CUX1: variants seen among roughly 807,000 people sequenced by gnomAD.
CUX1 encodes the protein cut like homeobox 1, also known as protein CASP.
Under a neutral mutation model 158.8 loss-of-function variants are expected in CUX1, and 31 were observed. The ratio of observed to expected loss-of-function variants is 0.20; its 90% CI spans 0.15 to 0.26. The LOEUF (loss-of-function observed/expected upper bound fraction) is 0.26. CUX1 is among the 10% of genes least tolerant of loss of function. CUX1 has a pLI of 1.00. For synonymous variants in CUX1, 879 were observed against 862.1 expected (o/e 1.02, Z -0.34); for missense variants, 1,589 against 2,014.6 (o/e 0.79, Z 4.04).
chr7:101,848,830 A>C (rs1325856166), intron 1 of CUX1, among the ~76,000 whole-genome samples: 1 of 151,884 alleles, frequency 6.6e-6, no homozygotes, highest in Non-Finnish European at 1.5e-5. Context: ...TGGGCAACAT[A>C]GCAAGACCCC....
intron 3 of CUX1, among the ~76,000 whole-genome samples, chr7:102,047,709 GTATT>G (rs1822993924): frequency 6.6e-6 from 1 of 152,168 alleles, no homozygotes; most frequent in African/African-American, 2.4e-5. Context: ...CAGTCATACA[GTATT>G]TATTTGACTA....
At chr7:102,093,597 G>A (rs1828878007) in intron 4 of CUX1, among the ~76,000 whole-genome samples, 1 of 152,100 alleles carries the variant, frequency 6.6e-6, no homozygotes, top group Non-Finnish European at 1.5e-5. Flanking sequence ...ATTGCAGAGC[G>A]GGCTCCGCCA....
At chr7:101,840,903 T>A (rs937877667) in intron 1 of CUX1, among the ~76,000 whole-genome samples, 2 of 102,138 alleles carry the variant, frequency 2.0e-5, no homozygotes, top group African/African-American at 4.1e-5. Context: ...ATTATTATTA[T>A]TTTTTTTTGA....
rs781797718 is a variant in CUX1, at chr7:102,200,063, C to A, written c.1961-8C>A. 1.2e-6 allele frequency: 2 copies of A among 1,600,948 alleles called. No homozygotes were observed. ...GTTTGATGTCATTGGCGCAACTTCT[C>A]CCCACAGGTAACATCACCACCCGGA... is the stretch of plus-strand genomic sequence containing the variant. On this transcript the variant is annotated splice_polypyrimidine_tract_variant and splice_region_variant and intron_variant, in intron 16 of 23. Coordinates refer to ENST00000292535, the MANE Select transcript of CUX1 (RefSeq NM_181552.4).
chr7:101,883,140 G>A (rs567244644), intron 1 of CUX1, among the ~76,000 whole-genome samples: 5 of 152,196 alleles, frequency 3.3e-5, no homozygotes, highest in Admixed American at 2.0e-4. Context: ...TGCTCATTTC[G>A]TCATCTTCCT....
intron 23 of CUX1, among the ~76,000 whole-genome samples, chr7:102,243,380 G>C (rs1003262415): frequency 2.0e-5 from 3 of 152,226 alleles, no homozygotes; most frequent in South Asian, 2.1e-4. Flanking sequence ...TCAAATATGG[G>C]ATCCAAGAGA....
chr7:102,188,026 T>A (rs1267442641), intron 11 of CUX1, among the ~76,000 whole-genome samples: 4 of 151,786 alleles, frequency 2.6e-5, no homozygotes, highest in Non-Finnish European at 5.9e-5. Flanking sequence ...CTGGGCAACA[T>A]AGCAAGACCC....
At position 102,248,251 on chromosome 7, in the gene CUX1, GA is replaced by G. The variant is rs1554537637; in HGVS notation, c.3888-160del. 6.6e-6 allele frequency among the ~76,000 whole-genome samples: 1 copy of G among 152,212 alleles called. No homozygotes were observed. Among genetic ancestry groups the G allele is most frequent in the Non-Finnish European group, 1.5e-5 (1 of 68,038 alleles). On this transcript the variant is annotated intron_variant, in intron 23 of 23. Transcript: ENST00000292535. The surrounding 1 kb of genome is among the most constrained non-coding windows in gnomAD (Gnocchi z 5.8). Reference sequence around the variant, plus strand: ...CGGAGGGGTGGGTGGTGACTCTGGAGAGGGGCTGCCCCGTGGCCCGAGGGTC... The same window carrying G: ...CGGAGGGGTGGGTGGTGACTCTGGAGGGGGCTGCCCCGTGGCCCGAGGGTC...
intron 2 of CUX1, among the ~76,000 whole-genome samples, chr7:102,008,749 A>G (rs1006888955): frequency 8.5e-5 from 13 of 152,154 alleles, no homozygotes; most frequent in South Asian, 2.1e-4. Flanking sequence ...ACATTGAGCA[A>G]TTGTCAAACT....
intron 6 of CUX1, among the ~76,000 whole-genome samples, chr7:102,108,385 A>C (rs938531692): frequency 2.0e-5 from 3 of 152,138 alleles, no homozygotes; most frequent in Non-Finnish European, 4.4e-5. Flanking sequence ...TTGCTCTGTC[A>C]CCCAGGCTGG....
chr7:101,848,759 G>T (rs1371523890), intron 1 of CUX1, among the ~76,000 whole-genome samples: 2 of 151,672 alleles, frequency 1.3e-5, no homozygotes, highest in Non-Finnish European at 2.9e-5. Flanking sequence ...TGCCTGTAGT[G>T]CAAGCACTTA....
At chr7:102,277,127 C>T (rs2132823789) in intron 17 of CUX1, among the ~76,000 whole-genome samples, 1 of 151,584 alleles carries the variant, frequency 6.6e-6, no homozygotes, top group South Asian at 2.1e-4. Flanking sequence ...CAGTGAGACC[C>T]CGACTCTGCA....
In CUX1 at chr7:101,868,794, C is replaced by T. The variant is rs552210650; in HGVS notation, c.31-47321C>T. Among the ~76,000 whole-genome samples the T allele has an allele frequency of 3.8e-4, 58 of 152,234 alleles. 1 individual carries two copies. The South Asian group carries it at 0.012, about 31-fold the overall frequency. ...GGCTCCCAGGAGGGGAACCCTCTGA[C>T]GTGGGAGTTAAAGGACTGGGGCCAT... On this transcript the variant is annotated intron_variant, in intron 1 of 23. Transcript: ENST00000292535.
At chr7:102,131,519 A>T (rs1833232272) in intron 8 of CUX1, among the ~76,000 whole-genome samples, 1 of 151,970 alleles carries the variant, frequency 6.6e-6, no homozygotes, top group East Asian at 1.9e-4. Context: ...GTTTGAACAT[A>T]AAAACTGCTC....
Position 102,028,115 on chromosome 7 carries a change from A to G in CUX1, c.159A>G (p.Val53=). The change falls in exon 3 of 24, where the codon GTA becomes GTG. Residue 53 remains valine, a synonymous_variant. Transcript: ENST00000292535. The part of the protein sequence containing the change: ...KNTPEDLRKQ[V]APLLKSFQGE... ...TGCTCCAGGATTTGCGCAAGCAGGT[A>G]GCGCCGCTGCTGAAGAGTTTCCAAG... 1 of 1,612,226 alleles carries G rather than the reference A, an allele frequency of 6.2e-7. No individual in the cohort carries two copies. Among genetic ancestry groups the G allele is most frequent in the African/African-American group, 1.3e-5 (1 of 74,970 alleles).
chr7:101,873,876 C>G (rs1014919928), intron 1 of CUX1, among the ~76,000 whole-genome samples: 5 of 152,220 alleles, frequency 3.3e-5, no homozygotes, highest in Non-Finnish European at 7.3e-5. Flanking sequence ...TGAGCTACCG[C>G]GTCCTGCCAG....
chr7:102,239,886 ACAGGCATG>A (rs1358902415), intron 23 of CUX1, among the ~76,000 whole-genome samples: 1 of 152,134 alleles, frequency 6.6e-6, no homozygotes, highest in Non-Finnish European at 1.5e-5. Context: ...AGCTGGGATT[ACAGGCATG>A]CACCACCAAG....
Position 102,109,799 on chromosome 7 carries a change from A to C in CUX1, c.531-1899A>C, listed in dbSNP as rs187364512. ...CCCTGTCTCCAAAAAAAAAAAAAGA[A>C]AAAAGAAAAAATTGCAGATACTCTT... On this transcript the variant is annotated intron_variant, in intron 6 of 23. Transcript: ENST00000292535. Among the ~76,000 whole-genome samples the C allele has an allele frequency of 1.7e-3, 263 of 152,158 alleles. 1 individual carries two copies. Among genetic ancestry groups the C allele is most frequent in the African/African-American group, 5.9e-3 (247 of 41,530 alleles).
At chr7:101,906,326 T>G (rs10227516) in intron 1 of CUX1, among the ~76,000 whole-genome samples, 30,526 of 151,426 alleles carry the variant, frequency 0.2, 4,765 homozygotes, top group East Asian at 0.84. Context: ...CCATCTCTTA[T>G]GAGGTGAGGC....
Sources: gnomAD v4.1 joint callset for allele counts (sites outside exome capture counted in the v4.1 genomes callset) on GRCh38, gnomAD v4.1.1 for gene constraint, Gnocchi (gnomAD v3.1) non-coding constraint, MANE v1.5 for transcripts, NCBI Gene and HGNC (gene_info 2026-07-23, HGNC 2026-07-21) for gene names.